LDLRAD3: variants seen among roughly 807,000 people sequenced by gnomAD.
The protein encoded by LDLRAD3 is low-density lipoprotein receptor class A domain-containing protein 3.
LDLRAD3 carries 20 observed loss-of-function variants against 29.4 expected under a neutral mutation model. That is an observed-to-expected ratio of 0.68 (90% CI 0.48 to 0.99). The LOEUF (loss-of-function observed/expected upper bound fraction) is 0.99, where lower values mean the gene tolerates loss of function less well. Among genes scored for constraint, LDLRAD3 ranks in the 50% least tolerant of loss-of-function variants. The pLI is 0.00. For synonymous variants in LDLRAD3, 157 were observed against 192.7 expected (o/e 0.81, Z 1.53); for missense variants, 420 against 454.3 (o/e 0.92, Z 0.69).
rs1851528171 is a variant in LDLRAD3, at chr11:35,980,555, G to C, written c.46+36411G>C. 2.0e-5 allele frequency among the ~76,000 whole-genome samples: 3 copies of C among 152,286 alleles called. No individual in the cohort carries two copies. The South Asian group carries it at 6.2e-4, about 32-fold the overall frequency. On this transcript the variant is annotated intron_variant, in intron 1 of 5. Transcript: ENST00000315571. ...CTATGAGAAATATTATTTTATTAAT[G>C]AGAAACTTGGATTCTGCTCCTGGGC...
At chr11:36,103,491 G>A (rs965789283) in intron 4 of LDLRAD3, among the ~76,000 whole-genome samples, 3 of 151,948 alleles carry the variant, frequency 2.0e-5, no homozygotes, top group Non-Finnish European at 4.4e-5. Context: ...CGCCCGCCTC[G>A]GCCTCCCAAA....
intron 2 of LDLRAD3, among the ~76,000 whole-genome samples, chr11:36,063,447 C>T (rs570365653): frequency 5.1e-4 from 77 of 152,306 alleles, no homozygotes; most frequent in African/African-American, 1.8e-3. Flanking sequence ...ACCACTAATC[C>T]ACTTTTTGTC....
intron 1 of LDLRAD3, among the ~76,000 whole-genome samples, chr11:36,030,596 G>C (rs1023771589): frequency 6.6e-6 from 1 of 152,186 alleles, no homozygotes; most frequent in Admixed American, 6.5e-5. Context: ...TTCTAGACAA[G>C]ATCCGTTTGA....
At chr11:36,167,281 C>A (rs190251487) in intron 4 of LDLRAD3, among the ~76,000 whole-genome samples, 1 of 152,166 alleles carries the variant, frequency 6.6e-6, no homozygotes, top group Admixed American at 6.5e-5. Context: ...GGATGAGGCC[C>A]GCCCACACTA....
chr11:35,953,844 A>G (rs1325272930), intron 1 of LDLRAD3, among the ~76,000 whole-genome samples: 1 of 152,212 alleles, frequency 6.6e-6, no homozygotes, highest in African/African-American at 2.4e-5. Flanking sequence ...AAGGTGTTTC[A>G]AAAACAGATT....
chr11:36,193,716 C>T (rs1359601667), intron 4 of LDLRAD3, among the ~76,000 whole-genome samples: 1 of 152,196 alleles, frequency 6.6e-6, no homozygotes, highest in Admixed American at 6.5e-5. Flanking sequence ...CCTTTACCCT[C>T]CTCATTCCTT....
intron 4 of LDLRAD3, among the ~76,000 whole-genome samples, chr11:36,191,961 A>G (rs1854960440): frequency 1.3e-5 from 2 of 152,104 alleles, no homozygotes; most frequent in African/African-American, 4.8e-5. Context: ...CACCTTTTAG[A>G]GTGGGAAGAC....
At chr11:36,072,055 TG>T (rs1310890889) in intron 2 of LDLRAD3, among the ~76,000 whole-genome samples, 1 of 152,236 alleles carries the variant, frequency 6.6e-6, no homozygotes, top group African/African-American at 2.4e-5. Flanking sequence ...AAAGCAAGGG[TG>T]GTGATATTGT....
intron 4 of LDLRAD3, among the ~76,000 whole-genome samples, chr11:36,147,350 C>T: frequency 6.6e-6 from 1 of 151,864 alleles, no homozygotes; most frequent in Admixed American, 6.6e-5. Context: ...AATCTCCTGA[C>T]TTTGTGATCC....
At chr11:36,159,602 T>TAAAAAA (rs66512652) in intron 4 of LDLRAD3, among the ~76,000 whole-genome samples, 9 of 58,474 alleles carry the variant, frequency 1.5e-4, no homozygotes, top group Admixed American at 4.9e-4. Context: ...TTACAGAAAC[T>TAAAAAA]AAAAAAAAAA....
intron 1 of LDLRAD3, chr11:35,972,577 A>G (rs1267610927): frequency 2.6e-5 from 4 of 152,198 alleles, no homozygotes; most frequent in Admixed American, 2.6e-4. Context: ...CTTCAGAGGT[A>G]GCTGTTTACG....
At chr11:36,083,773 CACACACA>C (rs753440835) in intron 3 of LDLRAD3, among the ~76,000 whole-genome samples, 1,409 of 122,432 alleles carry the variant, frequency 0.012, 22 homozygotes, top group African/African-American at 0.027. Flanking sequence ...CACACACACA[CACACACA>C]CCCCAGAATA....
intron 4 of LDLRAD3, among the ~76,000 whole-genome samples, chr11:36,143,635 CA>C (rs1854119466): frequency 6.6e-6 from 1 of 152,158 alleles, no homozygotes; most frequent in East Asian, 1.9e-4. Context: ...TGGCTGCTAA[CA>C]AAATACCACA....
At chr11:35,953,505 G>A (rs200984191) in intron 1 of LDLRAD3, among the ~76,000 whole-genome samples, 3 of 152,124 alleles carry the variant, frequency 2.0e-5, no homozygotes, top group South Asian at 4.1e-4. Flanking sequence ...TTGGCTTAGC[G>A]AATGTCAGAA....
Position 36,103,057 on chromosome 11 carries a change from T to G in LDLRAD3, c.454+4596T>G, listed in dbSNP as rs554254275. Among the ~76,000 whole-genome samples, 398 of 152,250 alleles carry G rather than the reference T, an allele frequency of 2.6e-3. 2 individuals are homozygous for G. The highest frequency in any genetic ancestry group is 9.4e-3 in the African/African-American group (389 of 41,548). On this transcript the variant is annotated intron_variant, in intron 4 of 5. Transcript: ENST00000315571. ...TCAGTAGATGTTAAGTATGTTCACA[T>G]TGTTGTGCAACCAATCTCCAGAACG...
In LDLRAD3 at chr11:36,213,048, C is replaced by G. The variant is rs976579718; in HGVS notation, c.455-14037C>G. Among the ~76,000 whole-genome samples, 2 of 150,878 alleles carry G rather than the reference C, an allele frequency of 1.3e-5. No homozygotes were observed. The highest frequency in any genetic ancestry group is 1.9e-4 in the East Asian group (1 of 5,144). ...CTTCTCTCTCTGTCTCTCTCTCCCC[C>G]ACCCCTCTCTTTCTCTCCCCCTCGC... On this transcript the variant is annotated intron_variant, in intron 4 of 5. Coordinates refer to ENST00000315571, the MANE Select transcript of LDLRAD3 (RefSeq NM_174902.4). The surrounding 1 kb of genome is among the most constrained non-coding windows in gnomAD (Gnocchi z 4.1).
At position 36,159,767 on chromosome 11, in the gene LDLRAD3, C is replaced by CA. The variant is rs1167186505; in HGVS notation, c.454+61315dup. On this transcript the variant is annotated intron_variant, in intron 4 of 5. Coordinates refer to ENST00000315571, the MANE Select transcript of LDLRAD3 (RefSeq NM_174902.4). The stretch of plus-strand genomic sequence containing the variant: ...CAGCCTGGCAACAGAGCGAGGCCCT[C>CA]AAAAAAAAAGGAGAACTCAGGGGAC... 1.2e-3 allele frequency among the ~76,000 whole-genome samples: 181 copies of CA among 150,174 alleles called. 1 individual carries two copies. The highest frequency in any genetic ancestry group is 3.6e-3 in the African/African-American group (149 of 40,890).
At chr11:36,004,839 A>G (rs765932209) in intron 1 of LDLRAD3, among the ~76,000 whole-genome samples, 1 of 152,220 alleles carries the variant, frequency 6.6e-6, no homozygotes. Context: ...ACCATGTGAA[A>G]GTTGGCAAGG....
intron 4 of LDLRAD3, among the ~76,000 whole-genome samples, chr11:36,140,797 A>G (rs368532565): frequency 1.3e-5 from 2 of 152,228 alleles, no homozygotes; most frequent in African/African-American, 4.8e-5. Flanking sequence ...TGAAAGTATT[A>G]AAAATAGACT....
Sources: allele counts gnomAD v4.1 joint callset (sites outside exome capture counted in the v4.1 genomes callset), GRCh38; gene constraint gnomAD v4.1.1; non-coding constraint Gnocchi (gnomAD v3.1); transcripts MANE v1.5; gene names NCBI Gene and HGNC (gene_info 2026-07-23, HGNC 2026-07-21).